Variants in IL7 observed in about 807,000 individuals in gnomAD.
The protein encoded by IL7 is interleukin 7.
In IL7, 3 loss-of-function variants were observed where a neutral mutation model predicts 21.6. The observed-to-expected ratio is 0.14, with a 90% CI of 0.06 to 0.36. IL7 has a LOEUF of 0.36. IL7 is among the 10% of genes least tolerant of loss of function. The probability of loss-of-function intolerance (pLI) is 1.00; values close to 1 mark genes in which losing one functional copy is unlikely to be tolerated. For synonymous variants in IL7, 62 were observed against 68.1 expected (o/e 0.91, Z 0.44); for missense variants, 175 against 200.2 (o/e 0.87, Z 0.76).
In IL7 at chr8:78,775,130, T is replaced by A. The variant is rs1813090175; in HGVS notation, c.147+22942A>T. ...TCCAGCTTTACCAACACACCTTAGG[T>A]ACACAACGTAGTATTTTATTAATTT... On this transcript the variant is annotated intron_variant, in intron 2 of 5. Transcript: ENST00000263851. 2.0e-5 allele frequency among the ~76,000 whole-genome samples: 3 copies of A among 152,114 alleles called. No individual in the cohort carries two copies. The South Asian group carries it at 6.2e-4, about 31-fold the overall frequency.
intron 3 of IL7, among the ~76,000 whole-genome samples, chr8:78,695,595 T>TA (rs568088519): frequency 1.8e-4 from 28 of 152,326 alleles, no homozygotes; most frequent in Admixed American, 6.5e-4. Flanking sequence ...AAATTTTTGT[T>TA]AGAGCTTGTT....
chr8:78,762,123 G>A, intron 2 of IL7: 4 of 1,596,038 alleles, frequency 2.5e-6, no homozygotes, highest in Non-Finnish European at 2.6e-6. Flanking sequence ...TCTTTTATTC[G>A]TTTTCTGTGT....
At chr8:78,690,784 G>A (rs1164134136) in intron 3 of IL7, among the ~76,000 whole-genome samples, 1 of 152,012 alleles carries the variant, frequency 6.6e-6, no homozygotes, top group Non-Finnish European at 1.5e-5. Context: ...GTTTTGTAGT[G>A]TATATTATAT....
intron 1 of IL7, among the ~76,000 whole-genome samples, chr8:78,800,686 A>G (rs945459565): frequency 1.3e-5 from 2 of 152,110 alleles, no homozygotes; most frequent in Non-Finnish European, 2.9e-5. Flanking sequence ...CCTTGTAATC[A>G]GATTTGTATA....
chr8:78,797,941 T>C (rs1813916299), intron 2 of IL7, 131 bp downstream of exon 2: 1 of 623,534 alleles, frequency 1.6e-6, no homozygotes, highest in African/African-American at 1.8e-5. Flanking sequence ...TAGTAGCTCA[T>C]TAAATTTTAT....
At chr8:78,735,290 TTTG>T (rs1464395684) in intron 5 of IL7, among the ~76,000 whole-genome samples, 2 of 123,844 alleles carry the variant, frequency 1.6e-5, no homozygotes, top group African/African-American at 3.5e-5. Context: ...TTTTTTTTTT[TTTG>T]TTTTTTTTTT....
rs541501387 is a variant in IL7 at position 78,686,736 on chromosome 8, G to A, written n.215-789C>T. 19 of 973,698 alleles carry A rather than the reference G, an allele frequency of 2.0e-5. No homozygotes were observed. In the East Asian group the frequency reaches 3.6e-4, roughly 18 times the overall value. The allele number at this position is 973,698 out of a possible 1,614,324, so 60.3% of individuals were successfully genotyped here. ...TTATGAGGCATAATCTTTAAAATTT[G>A]GTGTAAAATGGTGGTGGTAATCTAG... is the stretch of plus-strand genomic sequence containing the variant. On this transcript the variant is annotated intron_variant and non_coding_transcript_variant, in intron 3 of 4. Transcript: ENST00000523959.
intron 3 of IL7, among the ~76,000 whole-genome samples, chr8:78,693,363 T>G (rs1810281447): frequency 6.6e-6 from 1 of 152,078 alleles, no homozygotes. Context: ...GTAAAAGTGT[T>G]CCTATTTCTC....
chr8:78,697,277 C>A, intron 3 of IL7: 1 of 682,798 alleles, frequency 1.5e-6, no homozygotes, highest in Non-Finnish European at 2.4e-6. Context: ...CATCACCATT[C>A]ATTTCCACAA....
chr8:78,798,221 G>T lies in IL7; in HGVS notation c.11-13C>A. On this transcript the variant is annotated splice_polypyrimidine_tract_variant and intron_variant, in intron 1 of 5. Coordinates refer to ENST00000263851, the MANE Select transcript of IL7 (RefSeq NM_000880.4). The stretch of plus-strand genomic sequence containing the variant: ...TACCTAAAAGAAACTAAATTTGACA[G>T]TAAATAAGAATGAGCTAAATGTTAT... 1.3e-6 allele frequency: 2 copies of T among 1,595,514 alleles called. No homozygotes were observed. The highest frequency in any genetic ancestry group is 1.7e-6 in the Non-Finnish European group (2 of 1,164,726).
intron 3 of IL7, among the ~76,000 whole-genome samples, chr8:78,709,273 A>T (rs1410591835): frequency 6.6e-6 from 1 of 152,228 alleles, no homozygotes; most frequent in Non-Finnish European, 1.5e-5. Context: ...TTTGTTTCTC[A>T]TACCTTATTT....
At chr8:78,721,956 GGTT>G (rs1811249904) in intron 3 of IL7, among the ~76,000 whole-genome samples, 1 of 151,764 alleles carries the variant, frequency 6.6e-6, no homozygotes, top group Non-Finnish European at 1.5e-5. Context: ...GGAATCACAA[GGTT>G]GTTTTATTGC....
chr8:78,790,880 T>C (rs1216946509), intron 2 of IL7, among the ~76,000 whole-genome samples: 1 of 150,450 alleles, frequency 6.6e-6, no homozygotes, highest in African/African-American at 2.4e-5. Flanking sequence ...ATTACGAAAA[T>C]GATGGTCCCA....
intron 3 of IL7, among the ~76,000 whole-genome samples, chr8:78,689,622 C>A (rs1372817791): frequency 6.6e-6 from 1 of 151,656 alleles, no homozygotes. Context: ...TGTCTTAGCA[C>A]GTTTTGTATA....
chr8:78,715,154 A>G, downstream of IL7: 1 of 1,360,532 alleles, frequency 7.4e-7, no homozygotes, highest in South Asian at 1.3e-5. Flanking sequence ...AGTCATGTGA[A>G]TAGGTAATTT....
At chr8:78,742,848 CATTA>C in intron 2 of IL7, among the ~76,000 whole-genome samples, 1 of 151,998 alleles carries the variant, frequency 6.6e-6, no homozygotes, top group East Asian at 1.9e-4. Flanking sequence ...GCCTAGTATC[CATTA>C]ATTGTTTTTT....
At chr8:78,677,191 A>T (rs942182357) in intron 4 of IL7, among the ~76,000 whole-genome samples, 1 of 152,144 alleles carries the variant, frequency 6.6e-6, no homozygotes, top group African/African-American at 2.4e-5. Context: ...CAAAATACAA[A>T]AGAAAAAAGA....
At chr8:78,675,349 C>T (rs1422210858), downstream of IL7, among the ~76,000 whole-genome samples, 1 of 151,762 alleles carries the variant, frequency 6.6e-6, no homozygotes, top group South Asian at 2.1e-4. Flanking sequence ...GAGTAAGATT[C>T]GTTTTATTCT....
chr8:78,717,332 G>T (rs776890062), downstream of IL7: 2 of 1,605,544 alleles, frequency 1.2e-6, no homozygotes, highest in South Asian at 2.3e-5. Context: ...TTTTAGGCCA[G>T]ATGGGGACTG....
Sources: allele counts gnomAD v4.1 joint callset (sites outside exome capture counted in the v4.1 genomes callset), GRCh38; gene constraint gnomAD v4.1.1; transcripts MANE v1.5; gene names NCBI Gene and HGNC (gene_info 2026-07-23, HGNC 2026-07-21).